CNKSR3: variants seen among roughly 807,000 people sequenced by gnomAD.
CNKSR3 encodes CNKSR family member 3.
Under a neutral mutation model 67.7 loss-of-function variants are expected in CNKSR3, and 36 were observed. The observed-to-expected ratio is 0.53, with a 90% CI of 0.41 to 0.70. CNKSR3 has a LOEUF of 0.70. Among genes scored for constraint, CNKSR3 ranks in the 30% least tolerant of loss-of-function variants. CNKSR3 has a pLI of 0.00. For missense variants in CNKSR3, 630 were observed against 695.2 expected, an observed-to-expected ratio of 0.91 and a Z score of 1.05; for synonymous variants, 281 against 271.4, an observed-to-expected ratio of 1.04 and a Z score of -0.35.
chr6:154,452,698 C>T (rs556859652), intron 1 of CNKSR3, among the ~76,000 whole-genome samples: 5 of 152,178 alleles, frequency 3.3e-5, no homozygotes, highest in Non-Finnish European at 5.9e-5. Context: ...GAGAGAGAAT[C>T]CCTAAAGAAG....
At chr6:154,457,604 G>A (rs898007514) in intron 1 of CNKSR3, among the ~76,000 whole-genome samples, 1 of 152,048 alleles carries the variant, frequency 6.6e-6, no homozygotes, top group African/African-American at 2.4e-5. Context: ...CCAGCTACAG[G>A]CGTTCTCTGC....
chr6:154,414,203 C>T, intron 10 of CNKSR3, 96 bp downstream of exon 10: 1 of 1,340,958 alleles, frequency 7.5e-7, no homozygotes, highest in Non-Finnish European at 1.0e-6. Context: ...CACTGTGGCT[C>T]AGCAACTTCC....
intron 1 of CNKSR3, among the ~76,000 whole-genome samples, chr6:154,453,533 G>C (rs1045527206): frequency 6.6e-6 from 1 of 152,096 alleles, no homozygotes; most frequent in Non-Finnish European, 1.5e-5. Context: ...GAAAAATCAC[G>C]TTACTGCCCA....
At chr6:154,467,230 TG>T (rs1786222786) in intron 1 of CNKSR3, among the ~76,000 whole-genome samples, 1 of 152,132 alleles carries the variant, frequency 6.6e-6, no homozygotes, top group Non-Finnish European at 1.5e-5. Flanking sequence ...CCATCCCTCA[TG>T]GCCCGTTTCT....
At chr6:154,448,897 C>A (rs374892170) in intron 2 of CNKSR3, among the ~76,000 whole-genome samples, 1 of 152,172 alleles carries the variant, frequency 6.6e-6, no homozygotes, top group Non-Finnish European at 1.5e-5. Context: ...ATTGTATATA[C>A]CCCTGGCTGG....
chr6:154,407,587 A>G (rs1784821709), intron 12 of CNKSR3, among the ~76,000 whole-genome samples: 1 of 151,904 alleles, frequency 6.6e-6, no homozygotes, highest in African/African-American at 2.4e-5. Flanking sequence ...TGCAGCCTCC[A>G]TCTCCCAGGC....
At chr6:154,413,139 TACACACACACACACACAC>T (rs60788837) in intron 10 of CNKSR3, among the ~76,000 whole-genome samples, 1 of 144,992 alleles carries the variant, frequency 6.9e-6, no homozygotes, top group Non-Finnish European at 1.5e-5. Flanking sequence ...GAATTTATGG[TACACACACACACACACAC>T]ACACACACAC....
At chr6:154,476,373 C>T (rs975747265) in intron 1 of CNKSR3, among the ~76,000 whole-genome samples, 2 of 150,608 alleles carry the variant, frequency 1.3e-5, no homozygotes, top group Non-Finnish European at 2.9e-5. Context: ...AGGAGAATCA[C>T]TTGAACCCAG....
Position 154,510,435 on chromosome 6 carries a change from G to A in CNKSR3, c.-321C>T, listed in dbSNP as rs1348465247. The A allele has an allele frequency of 7.3e-6, 3 of 412,656 alleles. No homozygotes were observed. The Admixed American group carries it at 1.4e-4, about 19-fold the overall frequency. The allele number at this position is 412,656 out of a possible 1,614,324, so 25.6% of individuals were successfully genotyped here. A position where few individuals can be genotyped will look rare whatever the true frequency, so the allele number is the denominator to read the frequency against. Reference sequence around the variant, plus strand: ...CTGCGACCCCAGACCCCTGGCCTCGGCTCGGCACGGGAGCCTCCCGGCCCG... The same window carrying A: ...CTGCGACCCCAGACCCCTGGCCTCGACTCGGCACGGGAGCCTCCCGGCCCG... On this transcript the variant is annotated 5_prime_UTR_variant, in exon 1 of 13. Transcript: ENST00000607772.
chr6:154,389,873 C>G lies in CNKSR3; in HGVS notation c.*16481G>C, dbSNP rs2128707795. 1 of 152,170 alleles carries G rather than the reference C, an allele frequency of 6.6e-6. No homozygotes were observed. The highest frequency in any genetic ancestry group is 2.1e-4 in the South Asian group (1 of 4,820). The allele number at this position is 152,170 out of a possible 1,614,324, so 9.4% of individuals were successfully genotyped here. On this transcript the variant is annotated 3_prime_UTR_variant, in exon 13 of 13. Coordinates refer to ENST00000607772, the MANE Select transcript of CNKSR3 (RefSeq NM_173515.4). ...TGAAAGACTTGTATACTGAAAACTA[C>G]AAAATACTGATGAAATAAATTAAAG... is the stretch of plus-strand genomic sequence containing the variant.
rs780190878 is a variant in CNKSR3, at chr6:154,450,097, G to A, written c.214C>T (p.Leu72=). The A allele has an allele frequency of 6.2e-7, 1 of 1,614,062 alleles. No homozygotes were observed. Among genetic ancestry groups the A allele is most frequent in the South Asian group, 1.1e-5 (1 of 91,052 alleles). The change falls in exon 2 of 13, where the codon CTG becomes TTG. Residue 72 remains leucine (L), a splice_region_variant and synonymous_variant. Coordinates refer to ENST00000607772, the MANE Select transcript of CNKSR3 (RefSeq NM_173515.4). ...VLEAVDLLCA[L]NYGLETDNMK... is the part of the protein sequence containing the mutation. Reference sequence around the variant, plus strand: ...AGACCGTCTTTTCCTGAACTAACCAGTGCACAGAGAAGGTCCACAGCCTCC... The same window carrying A: ...AGACCGTCTTTTCCTGAACTAACCAATGCACAGAGAAGGTCCACAGCCTCC...
At chr6:154,495,504 G>C (rs1330958113) in intron 1 of CNKSR3, among the ~76,000 whole-genome samples, 1 of 151,606 alleles carries the variant, frequency 6.6e-6, no homozygotes, top group Admixed American at 6.6e-5. Flanking sequence ...AAGTAACTGG[G>C]ACTATAGGTG....
rs1784709924 is a variant in CNKSR3, at chr6:154,400,982, C to G, written c.*5372G>C. The stretch of plus-strand genomic sequence containing the variant: ...GTATTACCAAATGTGTGTTGAGGTC[C>G]TCAACTGGGGTTGAGGGACCCTAAC... On this transcript the variant is annotated 3_prime_UTR_variant, in exon 13 of 13. Coordinates refer to ENST00000607772, the MANE Select transcript of CNKSR3 (RefSeq NM_173515.4). The G allele has an allele frequency of 6.6e-6, 1 of 152,058 alleles. No individual in the cohort carries two copies. The highest frequency in any genetic ancestry group is 1.5e-5 in the Non-Finnish European group (1 of 68,018). The allele number at this position is 152,058 out of a possible 1,614,324, so 9.4% of individuals were successfully genotyped here. A position where few individuals can be genotyped will look rare whatever the true frequency, so the allele number is the denominator to read the frequency against.
chr6:154,502,957 A>G (rs755454464), intron 1 of CNKSR3, among the ~76,000 whole-genome samples: 2 of 152,200 alleles, frequency 1.3e-5, no homozygotes, highest in African/African-American at 4.8e-5. Context: ...TCGCTTCCTC[A>G]CAATAAGGGG....
chr6:154,416,062 C>T (rs989613906), intron 9 of CNKSR3, among the ~76,000 whole-genome samples: 4 of 152,092 alleles, frequency 2.6e-5, no homozygotes, highest in African/African-American at 9.7e-5. Flanking sequence ...AGGTAGATCA[C>T]TTGAGCTCGA....
rs539609690 is a variant in CNKSR3 at position 154,388,845 on chromosome 6, C to T, written c.*17509G>A. On this transcript the variant is annotated 3_prime_UTR_variant, in exon 13 of 13. Transcript: ENST00000607772. The stretch of plus-strand genomic sequence containing the variant: ...AATTTGCCCATGAGAGGTTAATATC[C>T]CTATACTCTCGCAATGTGTCAACTA... 3.3e-5 allele frequency: 5 copies of T among 152,234 alleles called. No individual in the cohort carries two copies. The highest frequency in any genetic ancestry group is 9.6e-5 in the African/African-American group (4 of 41,540). The allele number at this position is 152,234 out of a possible 1,614,324, so 9.4% of individuals were successfully genotyped here.
chr6:154,406,285 G>A lies in CNKSR3; in HGVS notation c.*69C>T, dbSNP rs1784786198. Reference sequence around the variant, plus strand: ...CATAATACTGAGGCTGAAACGAGAAGAGGCTGTCCACTGTAAAAGCAAGGC... The same window carrying A: ...CATAATACTGAGGCTGAAACGAGAAAAGGCTGTCCACTGTAAAAGCAAGGC... On this transcript the variant is annotated 3_prime_UTR_variant, in exon 13 of 13. Transcript: ENST00000607772. 1 of 1,417,732 alleles carries A rather than the reference G, an allele frequency of 7.1e-7. No homozygotes were observed. The highest frequency in any genetic ancestry group is 9.6e-7 in the Non-Finnish European group (1 of 1,041,760). 87.8% of individuals were successfully genotyped at this position (1,417,732 alleles called of 1,614,324 possible).
At chr6:154,423,996 G>A (rs2128714122) in intron 7 of CNKSR3, among the ~76,000 whole-genome samples, 1 of 152,196 alleles carries the variant, frequency 6.6e-6, no homozygotes. Flanking sequence ...ACTTTGGGAG[G>A]CCCAGGTGGG....
chr6:154,437,528 C>T (rs756086714), intron 4 of CNKSR3, among the ~76,000 whole-genome samples: 23 of 150,312 alleles, frequency 1.5e-4, no homozygotes, highest in Non-Finnish European at 3.0e-4. Flanking sequence ...ATTCTCCTGC[C>T]TTAGCCTCCC....
Sources: gnomAD v4.1 joint callset for allele counts (sites outside exome capture counted in the v4.1 genomes callset) on GRCh38, gnomAD v4.1.1 for gene constraint, MANE v1.5 for transcripts, NCBI Gene and HGNC (gene_info 2026-07-23, HGNC 2026-07-21) for gene names.